GBX1: variants seen among roughly 807,000 people sequenced by gnomAD.
The protein encoded by GBX1 is homeobox protein GBX-1.
Under a neutral mutation model 22.9 loss-of-function variants are expected in GBX1, and 9 were observed. The ratio of observed to expected loss-of-function variants is 0.39; its 90% confidence interval spans 0.24 to 0.69. GBX1 has a LOEUF of 0.69. Among genes scored for constraint, GBX1 ranks in the 30% least tolerant of loss-of-function variants. GBX1 has a pLI of 0.43. For synonymous variants in GBX1, 203 were observed against 227.3 expected (o/e 0.89, Z 0.96); for missense variants, 494 against 509.2 (o/e 0.97, Z 0.29).
chr7:151,165,879 A>ACT (rs1801245114), intron 1 of GBX1, among the ~76,000 whole-genome samples: 1 of 151,998 alleles, frequency 6.6e-6, no homozygotes, highest in Non-Finnish European at 1.5e-5. Flanking sequence ...GGACAAAAGC[A>ACT]CTCTTGCATT....
rs1394995095 is a variant in GBX1 at position 151,167,502 on chromosome 7, C to A, written c.47G>T (p.Gly16Val). The change falls in exon 1 of 2, where the codon GGC (glycine) becomes GTC (valine). Residue 16 changes from glycine to valine, a missense_variant. By Grantham distance (109) the Gly-to-Val change is moderately radical. Transcript: ENST00000297537. This position sits in a 1 kb window ranked among gnomAD's most constrained non-coding sequence, Gnocchi z 5.9. ...GGSAPGGNGG[G>V]GGGGPGTAFS... is the part of the protein sequence containing the mutation. ...GGCAGTGCCCGGGCCCCCGCCGCCG[C>A]CCCCGCCGTTGCCCCCAGGGGCGCT... 1.3e-6 allele frequency: 2 copies of A among 1,484,358 alleles called. No individual in the cohort carries two copies. The highest frequency in any genetic ancestry group is 1.5e-5 in the African/African-American group (1 of 67,460). The allele number at this position is 1,484,358 out of a possible 1,614,324, so 91.9% of individuals were successfully genotyped here. A position where few individuals can be genotyped will look rare whatever the true frequency, so the allele number is the denominator to read the frequency against.
intron 1 of GBX1, among the ~76,000 whole-genome samples, 164 bp downstream of exon 1, chr7:151,166,847 C>T (rs1306463397): frequency 6.6e-6 from 1 of 152,156 alleles, no homozygotes; most frequent in African/African-American, 2.4e-5. Flanking sequence ...TCTAAAGAGG[C>T]TGTATTTGGA....
intron 1 of GBX1, among the ~76,000 whole-genome samples, chr7:151,159,729 C>T (rs748877300): frequency 2.6e-5 from 4 of 152,190 alleles, no homozygotes; most frequent in Non-Finnish European, 5.9e-5. Context: ...GATACAGAAA[C>T]AATATAGAAG....
At chr7:151,152,274 T>A (rs1049726850) in intron 1 of GBX1, among the ~76,000 whole-genome samples, 4 of 152,088 alleles carry the variant, frequency 2.6e-5, no homozygotes, top group Non-Finnish European at 4.4e-5. Context: ...CCGACGATAT[T>A]CCCCACAACC....
intron 1 of GBX1, among the ~76,000 whole-genome samples, chr7:151,154,752 G>C (rs192002268): frequency 6.6e-6 from 1 of 152,188 alleles, no homozygotes. Flanking sequence ...TGCTTGCATG[G>C]GGCCTTCCTT....
intron 1 of GBX1, among the ~76,000 whole-genome samples, chr7:151,155,326 A>G (rs1021226399): frequency 6.6e-6 from 1 of 152,132 alleles, no homozygotes; most frequent in African/African-American, 2.4e-5. Flanking sequence ...AAAAAGAGAC[A>G]TATTTGCCAT....
chr7:151,167,507 G>T lies in GBX1; in HGVS notation c.42C>A (p.Gly14=). 3 of 1,481,712 alleles carry T rather than the reference G, an allele frequency of 2.0e-6. No homozygotes were observed. The highest frequency in any genetic ancestry group is 2.7e-6 in the Non-Finnish European group (3 of 1,125,844). The allele number at this position is 1,481,712 out of a possible 1,614,324, so 91.8% of individuals were successfully genotyped here. A position where few individuals can be genotyped will look rare whatever the true frequency, so the allele number is the denominator to read the frequency against. ...AGGGSAPGGN[G]GGGGGGPGTA... The stretch of plus-strand genomic sequence containing the variant: ...TGCCCGGGCCCCCGCCGCCGCCCCC[G>T]CCGTTGCCCCCAGGGGCGCTACCGC... The change falls in exon 1 of 2, where the codon GGC becomes GGA. Residue 14 remains glycine (G), a synonymous_variant. Transcript: ENST00000297537. The surrounding 1 kb of genome is among the most constrained non-coding windows in gnomAD (Gnocchi z 5.9).
chr7:151,154,124 G>A (rs1801108732), intron 1 of GBX1, among the ~76,000 whole-genome samples: 1 of 152,094 alleles, frequency 6.6e-6, no homozygotes, highest in African/African-American at 2.4e-5. Context: ...TGTGATTCCA[G>A]CTACTTTTGA....
chr7:151,156,488 T>C (rs1801137042), intron 1 of GBX1, among the ~76,000 whole-genome samples: 1 of 149,586 alleles, frequency 6.7e-6, no homozygotes. Context: ...AGCCTAATCA[T>C]TAATATCTTC....
intron 1 of GBX1, among the ~76,000 whole-genome samples, 161 bp from the exon 2 acceptor site, chr7:151,149,303 A>G (rs1371786162): frequency 6.6e-6 from 1 of 152,212 alleles, no homozygotes; most frequent in East Asian, 1.9e-4. Flanking sequence ...AGGAGGCAGA[A>G]GGATGGTATG....
At position 151,148,084 on chromosome 7, in the gene GBX1, T is replaced by C. The variant is rs923345546; in HGVS notation, c.*505A>G. On this transcript the variant is annotated 3_prime_UTR_variant, in exon 2 of 2. Transcript: ENST00000297537. The surrounding 1 kb of genome is among the most constrained non-coding windows in gnomAD (Gnocchi z 5.1). ...CCAAAGCAGTAGGACAGACGAACTC[T>C]GGCTGAGGATTGAGGAAACAACTTT... is the stretch of plus-strand genomic sequence containing the variant. 6.6e-6 allele frequency among the ~76,000 whole-genome samples: 1 copy of C among 152,174 alleles called. No individual in the cohort carries two copies. The highest frequency in any genetic ancestry group is 1.5e-5 in the Non-Finnish European group (1 of 68,024).
intron 1 of GBX1, among the ~76,000 whole-genome samples, chr7:151,149,496 T>G (rs559538376): frequency 1.4e-5 from 2 of 144,714 alleles, no homozygotes; most frequent in Admixed American, 1.4e-4. Flanking sequence ...TCTCGGAACC[T>G]AGAGACCAAG....
intron 1 of GBX1, among the ~76,000 whole-genome samples, chr7:151,164,854 C>T (rs1035537672): frequency 3.9e-5 from 5 of 127,646 alleles, no homozygotes; most frequent in African/African-American, 1.5e-4. Flanking sequence ...ATTCCAGTTT[C>T]CCCTCACTCT....
chr7:151,161,252 C>T (rs1801185193), intron 1 of GBX1, among the ~76,000 whole-genome samples: 2 of 152,176 alleles, frequency 1.3e-5, no homozygotes, highest in African/African-American at 2.4e-5. Flanking sequence ...TCTACTCATG[C>T]CTGCCACTCC....
rs1801273863 is a variant in GBX1 at position 151,167,498 on chromosome 7, G to GCCGCCC, written c.45_50dup (p.Gly19_Gly20dup). 1 of 1,479,814 alleles carries GCCGCCC rather than the reference G, an allele frequency of 6.8e-7. No homozygotes were observed. The highest frequency in any genetic ancestry group is 2.4e-4 in the Middle Eastern group (1 of 4,252). 91.7% of individuals were successfully genotyped at this position (1,479,814 alleles called of 1,614,324 possible). Reference sequence around the variant, plus strand: ...AGAAGGCAGTGCCCGGGCCCCCGCCGCCGCCCCCGCCGTTGCCCCCAGGGG... The same window carrying GCCGCCC: ...AGAAGGCAGTGCCCGGGCCCCCGCCGCCGCCCCCGCCCCCGCCGTTGCCCCCAGGGG... On this transcript the variant is annotated inframe_insertion, in exon 1 of 2. Coordinates refer to ENST00000297537, the MANE Select transcript of GBX1 (RefSeq NM_001098834.3). This position sits in a 1 kb window ranked among gnomAD's most constrained non-coding sequence, Gnocchi z 5.9.
intron 1 of GBX1, among the ~76,000 whole-genome samples, chr7:151,165,223 T>C (rs1186604871): frequency 6.6e-6 from 1 of 152,220 alleles, no homozygotes; most frequent in African/African-American, 2.4e-5. Context: ...TCAATGTCTG[T>C]TTTTATAGCC....
chr7:151,156,088 A>G (rs1801129878), intron 1 of GBX1, among the ~76,000 whole-genome samples: 1 of 152,080 alleles, frequency 6.6e-6, no homozygotes, highest in Non-Finnish European at 1.5e-5. Context: ...CCAAGTTTAG[A>G]TCTCACCCCT....
At chr7:151,151,062 C>T (rs1801074126) in intron 1 of GBX1, among the ~76,000 whole-genome samples, 1 of 152,176 alleles carries the variant, frequency 6.6e-6, no homozygotes, top group African/African-American at 2.4e-5. Flanking sequence ...GAACTCTCAA[C>T]CTTTTTCCAC....
At chr7:151,166,988 C>T (rs751409761) in intron 1 of GBX1, 23 bp downstream of exon 1, 1 of 1,600,110 alleles carries the variant, frequency 6.2e-7, no homozygotes, top group Non-Finnish European at 8.5e-7. Context: ...CTCCCGCCAG[C>T]CCTGGTCGGC....
Sources: gnomAD v4.1 joint callset for allele counts (sites outside exome capture counted in the v4.1 genomes callset) on GRCh38, gnomAD v4.1.1 for gene constraint, Gnocchi (gnomAD v3.1) non-coding constraint, MANE v1.5 for transcripts, NCBI Gene and HGNC (gene_info 2026-07-23, HGNC 2026-07-21) for gene names.